IBSP: variants seen among roughly 807,000 people sequenced by gnomAD.
IBSP encodes integrin-binding sialoprotein.
In IBSP, 19 loss-of-function variants were observed where a neutral mutation model predicts 25.5. The observed-to-expected ratio is 0.74, with a 90% CI of 0.52 to 1.09. The LOEUF (loss-of-function observed/expected upper bound fraction) is 1.09. IBSP is among the 50% of genes least tolerant of loss of function. IBSP has a pLI of 0.00. For synonymous variants in IBSP, 144 were observed against 137.6 expected (o/e 1.05, Z -0.33); for missense variants, 360 against 382.3 (o/e 0.94, Z 0.49).
intron 5 of IBSP, 106 bp from the exon 6 acceptor site, chr4:87,810,500 A>G: frequency 1.1e-6 from 1 of 888,078 alleles, no homozygotes; most frequent in Non-Finnish European, 1.8e-6. Flanking sequence ...GAGGGATGCA[A>G]AGTTTTTCCA....
intron 5 of IBSP, among the ~76,000 whole-genome samples, chr4:87,808,512 T>C (rs1005681646): frequency 3.3e-5 from 5 of 152,146 alleles, no homozygotes; most frequent in African/African-American, 9.7e-5. Context: ...ATATACATAA[T>C]AAAATTATCC....
chr4:87,806,196 T>C lies in IBSP; in HGVS notation c.246+12T>C, dbSNP rs1465821173. The C allele has an allele frequency of 1.2e-6, 2 of 1,608,204 alleles. No homozygotes were observed. The highest frequency in any genetic ancestry group is 2.2e-5 in the South Asian group (2 of 90,362). Reference sequence around the variant, plus strand: ...AGGAGGAAGAAGAGGTAAGGAATTTTGCAATCTTTTCGTAATAAAGCAGAC... The same window carrying C: ...AGGAGGAAGAAGAGGTAAGGAATTTCGCAATCTTTTCGTAATAAAGCAGAC... On this transcript the variant is annotated intron_variant, in intron 5 of 6. Coordinates refer to ENST00000226284, the MANE Select transcript of IBSP (RefSeq NM_004967.4).
At chr4:87,805,933 T>C (rs1197472061) in intron 4 of IBSP, among the ~76,000 whole-genome samples, 189 bp from the exon 5 acceptor site, 1 of 152,222 alleles carries the variant, frequency 6.6e-6, no homozygotes, top group East Asian at 1.9e-4. Context: ...GCATGTCTAA[T>C]CTCCTATCTT....
At chr4:87,809,687 T>C (rs1722141589) in intron 5 of IBSP, among the ~76,000 whole-genome samples, 1 of 152,218 alleles carries the variant, frequency 6.6e-6, no homozygotes. Flanking sequence ...TAAATATTTG[T>C]TTGTTTGTTT....
chr4:87,801,481 TACAC>T (rs34524230), intron 1 of IBSP, among the ~76,000 whole-genome samples: 6,753 of 132,326 alleles, frequency 0.051, 461 homozygotes, highest in African/African-American at 0.15. Context: ...CACCCACCCA[TACAC>T]ACACACACAC....
chr4:87,801,378 C>G (rs1209849684), intron 1 of IBSP, among the ~76,000 whole-genome samples: 1 of 151,912 alleles, frequency 6.6e-6, no homozygotes, highest in Non-Finnish European at 1.5e-5. Flanking sequence ...ATGGAAGCAT[C>G]CTTAGCGGAG....
At chr4:87,806,670 C>A (rs1236262635) in intron 5 of IBSP, among the ~76,000 whole-genome samples, 1 of 152,110 alleles carries the variant, frequency 6.6e-6, no homozygotes, top group Non-Finnish European at 1.5e-5. Flanking sequence ...TATTGTGATT[C>A]ATCAGCCTTT....
intron 1 of IBSP, among the ~76,000 whole-genome samples, chr4:87,801,240 G>A (rs1722010251): frequency 1.3e-5 from 2 of 151,980 alleles, no homozygotes; most frequent in South Asian, 2.1e-4. Flanking sequence ...TAACCCTGGA[G>A]AGCCCCTAAT....
chr4:87,801,403 T>C (rs1280462931), intron 1 of IBSP, among the ~76,000 whole-genome samples: 1 of 151,948 alleles, frequency 6.6e-6, no homozygotes, highest in Non-Finnish European at 1.5e-5. Context: ...TGTTGCGTGC[T>C]ACATGATGTC....
chr4:87,811,933 A>G lies in IBSP; in HGVS notation c.*23A>G. 2 of 1,504,202 alleles carry G rather than the reference A, an allele frequency of 1.3e-6. No homozygotes were observed. The highest frequency in any genetic ancestry group is 1.8e-6 in the Non-Finnish European group (2 of 1,126,126). 93.2% of individuals were successfully genotyped at this position (1,504,202 alleles called of 1,614,324 possible). A position where few individuals can be genotyped will look rare whatever the true frequency, so the allele number is the denominator to read the frequency against. ...TGAAGCTCCAGCCTGGGATGAATTC[A>G]TCCATTCTGGCTTTGCATCCGGCTA... On this transcript the variant is annotated 3_prime_UTR_variant, in exon 7 of 7. Coordinates refer to ENST00000226284, the MANE Select transcript of IBSP (RefSeq NM_004967.4).
rs756836039 is a variant in IBSP, at chr4:87,811,791, G to A, written c.835G>A (p.Glu279Lys). The A allele has an allele frequency of 8.1e-6, 13 of 1,613,476 alleles. No individual in the cohort carries two copies. The highest frequency in any genetic ancestry group is 1.1e-5 in the Non-Finnish European group (13 of 1,179,742). Reference protein sequence around the residue: ...NEYDNGYEIYESENGEPRGDN... With the variant: ...NEYDNGYEIYKSENGEPRGDN... Reference sequence around the variant, plus strand: ...ATACGACAATGGATATGAAATCTATGAAAGTGAGAACGGGGAACCTCGTGG... The same window carrying A: ...ATACGACAATGGATATGAAATCTATAAAAGTGAGAACGGGGAACCTCGTGG... The change falls in exon 7 of 7, where the codon GAA becomes AAA. Residue 279 changes from glutamate to lysine, a missense_variant. Coordinates refer to ENST00000226284, the MANE Select transcript of IBSP (RefSeq NM_004967.4).
chr4:87,806,247 G>A (rs1433074081), intron 5 of IBSP, 63 bp downstream of exon 5: 1 of 1,256,226 alleles, frequency 8.0e-7, no homozygotes, highest in African/African-American at 1.5e-5. Context: ...TAGGAAACTA[G>A]TCTATTGCAT....
intron 4 of IBSP, among the ~76,000 whole-genome samples, chr4:87,805,058 G>A (rs546850153): frequency 1.9e-4 from 29 of 152,240 alleles, no homozygotes; most frequent in Admixed American, 7.2e-4. Flanking sequence ...TTCCTGGCTC[G>A]AGGTGACAAG....
intron 5 of IBSP, among the ~76,000 whole-genome samples, chr4:87,809,235 C>T (rs932838201): frequency 2.0e-5 from 3 of 152,252 alleles, no homozygotes; most frequent in African/African-American, 7.2e-5. Flanking sequence ...ACCTATTTTC[C>T]TATGTAACTC....
rs552067731 is a variant in IBSP, at chr4:87,799,997, A to C, written c.-15+364A>C. Among the ~76,000 whole-genome samples, 3 of 152,170 alleles carry C rather than the reference A, an allele frequency of 2.0e-5. No individual in the cohort carries two copies. The South Asian group carries it at 6.2e-4, about 31-fold the overall frequency. ...CTAGATATATGCATATTTCTCTACA[A>C]ATTATACCTAGTCTGTACTTCAAGT... On this transcript the variant is annotated intron_variant, in intron 1 of 6. Coordinates refer to ENST00000226284, the MANE Select transcript of IBSP (RefSeq NM_004967.4).
At chr4:87,805,800 T>C (rs952623287) in intron 4 of IBSP, among the ~76,000 whole-genome samples, 5 of 152,218 alleles carry the variant, frequency 3.3e-5, no homozygotes, top group African/African-American at 1.2e-4. Context: ...CTGTGATTCA[T>C]TGCCCTAGTT....
At chr4:87,801,514 A>G (rs932958320) in intron 1 of IBSP, among the ~76,000 whole-genome samples, 4 of 86,800 alleles carry the variant, frequency 4.6e-5, no homozygotes, top group Non-Finnish European at 1.3e-4. Flanking sequence ...ACACACACAC[A>G]CGCATATACA....
At chr4:87,807,090 T>C (rs186869937) in intron 5 of IBSP, among the ~76,000 whole-genome samples, 249 of 152,260 alleles carry the variant, frequency 1.6e-3, no homozygotes, top group Middle Eastern at 6.8e-3. Context: ...TATCTTCCCA[T>C]ATAGTTTTAC....
intron 1 of IBSP, among the ~76,000 whole-genome samples, chr4:87,801,443 C>G (rs984658905): frequency 6.7e-6 from 1 of 149,438 alleles, no homozygotes; most frequent in African/African-American, 2.5e-5. Context: ...TATGGATCCT[C>G]TCTGTCTCTC....
Sources: allele counts gnomAD v4.1 joint callset (sites outside exome capture counted in the v4.1 genomes callset), GRCh38; gene constraint gnomAD v4.1.1; transcripts MANE v1.5; gene names NCBI Gene and HGNC (gene_info 2026-07-23, HGNC 2026-07-21).